Variants in AGBL1 observed in about 807,000 individuals in gnomAD.
AGBL1 encodes the protein cytosolic carboxypeptidase 4.
AGBL1 carries 130 observed loss-of-function variants against 118.9 expected under a neutral mutation model. The observed-to-expected ratio is 1.09, with a 90% confidence interval of 0.95 to 1.26. AGBL1 has a LOEUF of 1.26. Ranked by LOEUF, AGBL1 falls within the 50% of genes most tolerant of loss-of-function variation. The probability of loss-of-function intolerance (pLI) is 0.00; values close to 1 mark genes in which losing one functional copy is unlikely to be tolerated. For missense variants in AGBL1, 1,584 were observed against 1,298.1 expected (o/e 1.22, Z -3.38); for synonymous variants, 555 against 478.9 (o/e 1.16, Z -2.08).
intron 17 of AGBL1, among the ~76,000 whole-genome samples, chr15:86,342,335 T>G (rs548287688): frequency 1.3e-5 from 2 of 152,204 alleles, no homozygotes; most frequent in South Asian, 4.1e-4. Context: ...TATTGTACAC[T>G]GTGTGAGACC....
Position 86,859,948 on chromosome 15 carries a change from G to T in AGBL1, c.3159-47139G>T, listed in dbSNP as rs1041500933. Among the ~76,000 whole-genome samples the T allele has an allele frequency of 2.6e-5, 4 of 152,192 alleles. No individual in the cohort carries two copies. In the East Asian group the frequency reaches 7.7e-4, roughly 29 times the overall value. ...TGAGATGATGAGACTTCCCACTGAG[G>T]ATTGTTAGCCAGAGGATTAAATCTG... is the stretch of plus-strand genomic sequence containing the variant. On this transcript the variant is annotated intron_variant, in intron 22 of 22. Coordinates refer to ENST00000614907, the MANE Select transcript of AGBL1 (RefSeq NM_001386094.1).
rs189179290 is a variant in AGBL1, at chr15:86,819,901, G to C, written c.3159-87186G>C. ...ACCTGACTTCAAACTATACTACAAGGCTACGGTAACCAAAACAGCATGGTA... is the reference window on the plus strand; with the variant it reads ...ACCTGACTTCAAACTATACTACAAGCCTACGGTAACCAAAACAGCATGGTA... On this transcript the variant is annotated intron_variant, in intron 22 of 22. Coordinates refer to ENST00000614907, the MANE Select transcript of AGBL1 (RefSeq NM_001386094.1). Among the ~76,000 whole-genome samples the C allele has an allele frequency of 5.2e-3, 788 of 152,166 alleles. 5 individuals carry two copies. The highest frequency in any genetic ancestry group is 9.4e-3 in the Non-Finnish European group (641 of 67,994).
At chr15:86,433,268 T>TC (rs1403506764) in intron 18 of AGBL1, among the ~76,000 whole-genome samples, 16 of 87,448 alleles carry the variant, frequency 1.8e-4, no homozygotes, top group Non-Finnish European at 2.9e-4. Flanking sequence ...TCCTTCTTCT[T>TC]TTTTTTTTTT....
chr15:86,206,847 G>A (rs61541338), intron 5 of AGBL1, among the ~76,000 whole-genome samples: 1,583 of 152,252 alleles, frequency 0.01, 27 homozygotes, highest in African/African-American at 0.037. Flanking sequence ...GGCATTTGTT[G>A]CCATTGCTTT....
At chr15:86,352,193 T>G (rs1424682587) in intron 17 of AGBL1, among the ~76,000 whole-genome samples, 2 of 152,198 alleles carry the variant, frequency 1.3e-5, no homozygotes, top group East Asian at 3.8e-4. Context: ...AGGTTCGGAT[T>G]GTGGCATCTT....
At chr15:86,945,244 TA>T (rs11326362) in intron 23 of AGBL1, among the ~76,000 whole-genome samples, 43,539 of 70,278 alleles carry the variant, frequency 0.62, 11,661 homozygotes, top group South Asian at 0.77. Context: ...ACCCCATCAC[TA>T]AAAAAAAAAA....
chr15:86,814,514 A>G (rs117306419), intron 22 of AGBL1, among the ~76,000 whole-genome samples: 24 of 152,320 alleles, frequency 1.6e-4, no homozygotes, highest in Non-Finnish European at 3.1e-4. Flanking sequence ...TTGCCCACAG[A>G]AGCATCTAGG....
At chr15:86,215,886 AATG>A (rs1436141893) in intron 5 of AGBL1, among the ~76,000 whole-genome samples, 1 of 152,166 alleles carries the variant, frequency 6.6e-6, no homozygotes, top group Non-Finnish European at 1.5e-5. Context: ...TTAGGTGAAA[AATG>A]ATACTTGTGT....
At chr15:86,732,403 A>G in intron 22 of AGBL1, among the ~76,000 whole-genome samples, 1 of 152,196 alleles carries the variant, frequency 6.6e-6, no homozygotes, top group South Asian at 2.1e-4. Context: ...GTAACTATGT[A>G]GCTGCCCTTG....
chr15:86,573,312 C>T (rs1180112670), intron 21 of AGBL1, among the ~76,000 whole-genome samples: 1 of 152,160 alleles, frequency 6.6e-6, no homozygotes, highest in Non-Finnish European at 1.5e-5. Context: ...GGGAGTAGAA[C>T]TGACAACTTC....
At chr15:86,720,756 C>G (rs2086705963) in intron 22 of AGBL1, among the ~76,000 whole-genome samples, 1 of 151,920 alleles carries the variant, frequency 6.6e-6, no homozygotes, top group Non-Finnish European at 1.5e-5. Flanking sequence ...AGATCGCTAG[C>G]AAGACTAATA....
chr15:86,480,152 G>A (rs997373157), intron 18 of AGBL1, among the ~76,000 whole-genome samples: 5 of 152,202 alleles, frequency 3.3e-5, no homozygotes, highest in Non-Finnish European at 7.3e-5. Context: ...AAGTTAATGT[G>A]TGTAGCACAC....
intron 18 of AGBL1, among the ~76,000 whole-genome samples, chr15:86,407,497 A>G (rs2081546745): frequency 6.6e-6 from 1 of 152,100 alleles, no homozygotes; most frequent in African/African-American, 2.4e-5. Flanking sequence ...AGTGTACCTA[A>G]TCTTTCTAAA....
At chr15:86,800,859 A>G (rs968423017) in intron 22 of AGBL1, among the ~76,000 whole-genome samples, 6 of 152,176 alleles carry the variant, frequency 3.9e-5, no homozygotes, top group Non-Finnish European at 8.8e-5. Context: ...GAACTAAGCT[A>G]TCTGATTGAA....
intron 23 of AGBL1, among the ~76,000 whole-genome samples, chr15:86,982,257 A>T (rs1471512069): frequency 6.6e-6 from 1 of 152,176 alleles, no homozygotes; most frequent in East Asian, 1.9e-4. Flanking sequence ...GCACATTTCC[A>T]ATTTCATTAA....
At chr15:86,182,561 C>G (rs534778135) in intron 5 of AGBL1, among the ~76,000 whole-genome samples, 2 of 152,196 alleles carry the variant, frequency 1.3e-5, no homozygotes, top group East Asian at 3.9e-4. Flanking sequence ...CAAGTACTTC[C>G]AAATTAATTT....
chr15:86,410,570 A>G (rs1012122542), intron 18 of AGBL1, among the ~76,000 whole-genome samples: 15 of 151,850 alleles, frequency 9.9e-5, no homozygotes, highest in African/African-American at 3.6e-4. Context: ...ACAATCAAGT[A>G]CCATAGTACT....
intron 15 of AGBL1, among the ~76,000 whole-genome samples, chr15:86,273,940 G>A (rs184337854): frequency 2.4e-4 from 36 of 152,262 alleles, no homozygotes; most frequent in Middle Eastern, 6.8e-3. Context: ...TTAAGGACAT[G>A]GGCTGACTAC....
chr15:86,195,342 GAC>G (rs1218906737), intron 5 of AGBL1, among the ~76,000 whole-genome samples: 1 of 152,114 alleles, frequency 6.6e-6, no homozygotes, highest in African/African-American at 2.4e-5. Flanking sequence ...GACTAAATTA[GAC>G]ACACACATAC....
Sources: allele counts gnomAD v4.1 joint callset (sites outside exome capture counted in the v4.1 genomes callset), GRCh38; gene constraint gnomAD v4.1.1; transcripts MANE v1.5; gene names NCBI Gene and HGNC (gene_info 2026-07-23, HGNC 2026-07-21).